Variants in MGAT3 observed in about 807,000 individuals in gnomAD.
MGAT3 encodes the protein beta-1,4-mannosyl-glycoprotein 4-beta-N-acetylglucosaminyltransferase, also known as GlcNAc-T III.
In MGAT3, 9 loss-of-function variants were observed where a neutral mutation model predicts 29.8. That is an observed-to-expected ratio of 0.30 (90% CI 0.18 to 0.53). MGAT3 has a LOEUF of 0.53. Among genes scored for constraint, MGAT3 ranks in the 20% least tolerant of loss-of-function variants. The pLI is 0.96. For synonymous variants in MGAT3, 397 were observed against 348.9 expected (o/e 1.14, Z -1.54); for missense variants, 557 against 769.5 (o/e 0.72, Z 3.27).
chr22:39,466,830 G>A (rs987127125), intron 1 of MGAT3, among the ~76,000 whole-genome samples: 5 of 152,216 alleles, frequency 3.3e-5, no homozygotes, highest in Admixed American at 6.5e-5. Context: ...TAGTGGTAGC[G>A]TTATTTGTCA....
intron 1 of MGAT3, among the ~76,000 whole-genome samples, chr22:39,463,519 G>A (rs1017372233): frequency 2.6e-5 from 4 of 152,172 alleles, no homozygotes; most frequent in African/African-American, 4.8e-5. Flanking sequence ...TCTCTGGAAC[G>A]CCTGCTCAAT....
At chr22:39,472,062 G>A (rs765703505) in intron 1 of MGAT3, among the ~76,000 whole-genome samples, 1 of 152,072 alleles carries the variant, frequency 6.6e-6, no homozygotes, top group Admixed American at 6.5e-5. Context: ...TCCTTCCAGG[G>A]TAGGGTGTGA....
At chr22:39,481,368 C>CCT (rs950507876) in intron 1 of MGAT3, among the ~76,000 whole-genome samples, 30 of 152,340 alleles carry the variant, frequency 2.0e-4, no homozygotes, top group Admixed American at 1.7e-3. Context: ...CAGAGCACAG[C>CCT]CTCTTTGGGC....
At position 39,457,678 on chromosome 22, in the gene MGAT3, T is replaced by C. The variant is rs1928372596; in HGVS notation, c.-2+121T>C. The C allele has an allele frequency of 6.7e-6, 1 of 149,898 alleles. No homozygotes were observed. The highest frequency in any genetic ancestry group is 2.4e-5 in the African/African-American group (1 of 41,096). 9.3% of individuals were successfully genotyped at this position (149,898 alleles called of 1,614,324 possible). Reference sequence around the variant, plus strand: ...CGCGGCCCACTCCCCGAGCGTGACCTTAGGGGGCGGGCGCGGGCGCACTGG... The same window carrying C: ...CGCGGCCCACTCCCCGAGCGTGACCCTAGGGGGCGGGCGCGGGCGCACTGG... On this transcript the variant is annotated intron_variant, in intron 1 of 1. Coordinates refer to ENST00000341184, the MANE Select transcript of MGAT3 (RefSeq NM_002409.5). This position sits in a 1 kb window ranked among gnomAD's most constrained non-coding sequence, Gnocchi z 6.8.
intron 1 of MGAT3, among the ~76,000 whole-genome samples, chr22:39,461,509 G>A (rs1044764964): frequency 5.3e-5 from 8 of 152,144 alleles, no homozygotes; most frequent in African/African-American, 1.9e-4. Flanking sequence ...TTGGGGTTCT[G>A]CACAGAATGG....
At chr22:39,475,128 C>CTTTTTTTTTTTTTGTTTTTT (rs1928917247) in intron 1 of MGAT3, among the ~76,000 whole-genome samples, 1 of 118,800 alleles carries the variant, frequency 8.4e-6, no homozygotes, top group African/African-American at 3.7e-5. Flanking sequence ...GCTTGCCAGG[C>CTTTTTTTTTTTTTGTTTTTT]TTTTTTTTTT....
Position 39,488,271 on chromosome 22 carries a change from G to T in MGAT3, c.924G>T (p.Arg308=). The change falls in exon 2 of 2, where the codon CGG becomes CGT. Residue 308 remains arginine (R), a synonymous_variant. Coordinates refer to ENST00000341184, the MANE Select transcript of MGAT3 (RefSeq NM_002409.5). ...GCGTCTCGCGGCTGCGCAACCTGCG[G>T]CCCGACGACGTCTTCATCATTGACG... ...QDGVSRLRNL[R]PDDVFIIDDA... is the part of the protein sequence containing the mutation. 1 of 1,611,412 alleles carries T rather than the reference G, an allele frequency of 6.2e-7. No homozygotes were observed. The highest frequency in any genetic ancestry group is 8.5e-7 in the Non-Finnish European group (1 of 1,179,942).
intron 1 of MGAT3, among the ~76,000 whole-genome samples, chr22:39,469,031 G>A (rs1928733295): frequency 6.6e-6 from 1 of 151,772 alleles, no homozygotes; most frequent in South Asian, 2.1e-4. Flanking sequence ...GCCCATTGAG[G>A]AAGCTGCTGC....
intron 1 of MGAT3, among the ~76,000 whole-genome samples, chr22:39,466,429 T>C (rs1038943136): frequency 1.3e-5 from 2 of 152,182 alleles, no homozygotes; most frequent in African/African-American, 4.8e-5. Context: ...GCTCTGAGAA[T>C]TTTGTCCAAA....
intron 1 of MGAT3, chr22:39,475,938 C>G (rs78569477): frequency 6.6e-6 from 1 of 152,268 alleles, no homozygotes; most frequent in Non-Finnish European, 1.5e-5. Flanking sequence ...TAGGTCTCGT[C>G]TCTAAAAAAC....
At chr22:39,464,982 C>T (rs1245680135) in intron 1 of MGAT3, among the ~76,000 whole-genome samples, 2 of 151,998 alleles carry the variant, frequency 1.3e-5, no homozygotes, top group Non-Finnish European at 2.9e-5. Flanking sequence ...GTCTCGATCT[C>T]CTGACCTCGT....
chr22:39,469,932 G>T (rs543620104), intron 1 of MGAT3, among the ~76,000 whole-genome samples: 1 of 152,362 alleles, frequency 6.6e-6, no homozygotes, highest in South Asian at 2.1e-4. Context: ...TGTCAGGTGT[G>T]GGAACTTGCA....
At chr22:39,465,774 A>G (rs955008391) in intron 1 of MGAT3, among the ~76,000 whole-genome samples, 1 of 152,076 alleles carries the variant, frequency 6.6e-6, no homozygotes, top group Non-Finnish European at 1.5e-5. Context: ...TCTACTAAAA[A>G]TACAAAAATT....
chr22:39,487,290 C>T lies in MGAT3; in HGVS notation c.-1-57C>T. The T allele has an allele frequency of 3.9e-6, 6 of 1,543,564 alleles. No individual in the cohort carries two copies. The highest frequency in any genetic ancestry group is 4.4e-6 in the Non-Finnish European group (5 of 1,146,110). ...CAGCAGAGGCCTCCTAGGTCCCCTT[C>T]CTAGGAAAGGAGCCTGGGCTGCCCT... On this transcript the variant is annotated intron_variant, in intron 1 of 1. Coordinates refer to ENST00000341184, the MANE Select transcript of MGAT3 (RefSeq NM_002409.5). The surrounding 1 kb of genome is among the most constrained non-coding windows in gnomAD (Gnocchi z 5.7).
intron 1 of MGAT3, among the ~76,000 whole-genome samples, chr22:39,461,693 C>G (rs1312479310): frequency 6.6e-6 from 1 of 152,138 alleles, no homozygotes; most frequent in Non-Finnish European, 1.5e-5. Flanking sequence ...CTCTGTGACA[C>G]CAGCCCCACA....
At chr22:39,472,315 G>T (rs937315941) in intron 1 of MGAT3, among the ~76,000 whole-genome samples, 2 of 152,164 alleles carry the variant, frequency 1.3e-5, no homozygotes, top group African/African-American at 2.4e-5. Context: ...CCCTGTCCCT[G>T]CCCGGTACTT....
intron 1 of MGAT3, among the ~76,000 whole-genome samples, chr22:39,468,270 A>C (rs542539520): frequency 5.3e-4 from 81 of 152,316 alleles, no homozygotes; most frequent in African/African-American, 1.7e-3. Context: ...GGCTGCAGGC[A>C]GGTGTGGCCT....
At chr22:39,462,305 C>G (rs568645728) in intron 1 of MGAT3, among the ~76,000 whole-genome samples, 2 of 152,328 alleles carry the variant, frequency 1.3e-5, no homozygotes, top group African/African-American at 4.8e-5. Context: ...ACGCCGGTGT[C>G]TTTGGCGTGT....
In MGAT3 at chr22:39,490,679, G is replaced by A. The variant is rs183263140; in HGVS notation, c.*1730G>A. ...CTACCCAATGATGCCGGTTTGCAGA[G>A]TTGGCCTGTGGAATGGCTCATGTTT... On this transcript the variant is annotated 3_prime_UTR_variant, in exon 2 of 2. Transcript: ENST00000341184. The A allele has an allele frequency of 3.0e-5, 5 of 167,366 alleles. No individual in the cohort carries two copies. The East Asian group carries it at 9.5e-4, about 32-fold the overall frequency. 10.4% of individuals were successfully genotyped at this position (167,366 alleles called of 1,614,324 possible).
Sources: gnomAD v4.1 joint callset for allele counts (sites outside exome capture counted in the v4.1 genomes callset) on GRCh38, gnomAD v4.1.1 for gene constraint, Gnocchi (gnomAD v3.1) non-coding constraint, MANE v1.5 for transcripts, NCBI Gene and HGNC (gene_info 2026-07-23, HGNC 2026-07-21) for gene names.